ZNF577: variants seen among roughly 807,000 people sequenced by gnomAD.
The protein encoded by ZNF577 is zinc finger protein 577.
Under a neutral mutation model 13.9 loss-of-function variants are expected in ZNF577, and 14 were observed. The observed-to-expected ratio is 1.00, with a 90% CI of 0.66 to 1.57. The LOEUF is 1.57. ZNF577 is among the 40% of genes most tolerant of loss of function. ZNF577 has a pLI of 0.00. For synonymous variants in ZNF577, 203 were observed against 202.9 expected, an observed-to-expected ratio of 1.00 and a Z score of 0.00; for missense variants, 555 against 579.2, an observed-to-expected ratio of 0.96 and a Z score of 0.43.
In ZNF577 at chr19:51,848,555, A is replaced by T. The variant is rs184645503; in HGVS notation, c.284-3624T>A. 2.6e-5 allele frequency among the ~76,000 whole-genome samples: 4 copies of T among 152,288 alleles called. No homozygotes were observed. The East Asian group carries it at 7.7e-4, about 29-fold the overall frequency. ...TCTGGACGAACAGAGGTGGTATGGG[A>T]AGAGCTCTCTGGATGTGTGGTTTGT... On this transcript the variant is annotated intron_variant and NMD_transcript_variant, in intron 5 of 10. Coordinates refer to the ZNF577 transcript ENST00000638827.
intron 3 of ZNF577, among the ~76,000 whole-genome samples, chr19:51,879,806 C>A (rs2084832067): frequency 1.3e-5 from 2 of 152,246 alleles, no homozygotes; most frequent in South Asian, 4.1e-4. Context: ...TTGCTTGAAT[C>A]TCTTGCGTGC....
At chr19:51,860,922 C>T (rs1488617038) in intron 5 of ZNF577, 1 of 417,004 alleles carries the variant, frequency 2.4e-6, no homozygotes, top group African/African-American at 2.1e-5. Flanking sequence ...AGGTGTGATT[C>T]TTCTTAGCTT....
At chr19:51,819,079 T>C (rs543258576) in intron 9 of ZNF577, among the ~76,000 whole-genome samples, 3 of 152,270 alleles carry the variant, frequency 2.0e-5, no homozygotes, top group Admixed American at 6.5e-5. Context: ...TTGGATTGTA[T>C]TGGGTGGTAA....
Position 51,878,378 on chromosome 19 carries a change from G to A in ZNF577, c.187+11C>T. The A allele has an allele frequency of 1.9e-6, 3 of 1,612,862 alleles. No homozygotes were observed. The highest frequency in any genetic ancestry group is 2.2e-5 in the South Asian group (2 of 90,924). Reference sequence around the variant, plus strand: ...GAAAGAAAAGGTAAGTGACGGCAATGCTGTCCTTACCTATTGATACTAGGT... The same window carrying A: ...GAAAGAAAAGGTAAGTGACGGCAATACTGTCCTTACCTATTGATACTAGGT... On this transcript the variant is annotated intron_variant, in intron 4 of 5. Coordinates refer to ENST00000638348, the MANE Select transcript of ZNF577 (RefSeq NM_001370449.1).
At chr19:51,835,986 C>A (rs1028122461) in intron 9 of ZNF577, among the ~76,000 whole-genome samples, 1 of 152,212 alleles carries the variant, frequency 6.6e-6, no homozygotes, top group African/African-American at 2.4e-5. Flanking sequence ...AGCCACCGCA[C>A]CCGACCTTGA....
chr19:51,835,834 A>G (rs1249800456), intron 9 of ZNF577, among the ~76,000 whole-genome samples: 1 of 152,152 alleles, frequency 6.6e-6, no homozygotes, highest in Non-Finnish European at 1.5e-5. Flanking sequence ...CTCGAATCAC[A>G]GATGCCTGCC....
At position 51,880,441 on chromosome 19, in the gene ZNF577, C is replaced by A. The variant is rs544445052; in HGVS notation, c.-19-40G>T. 6.3e-6 allele frequency: 10 copies of A among 1,580,872 alleles called. No individual in the cohort carries two copies. In the South Asian group the frequency reaches 8.9e-5, roughly 14 times the overall value. On this transcript the variant is annotated intron_variant, in intron 2 of 5. Transcript: ENST00000638348. ...GAGACACAGTTTAAAGCAGAGAAAA[C>A]CCACAGGGTCTTAACAGTCACTTAG...
At position 51,867,438 on chromosome 19, in the gene ZNF577, C is replaced by T. The variant is rs1041924005; in HGVS notation, c.*5094G>A. 8.6e-5 allele frequency among the ~76,000 whole-genome samples: 13 copies of T among 152,026 alleles called. No individual in the cohort carries two copies. The highest frequency in any genetic ancestry group is 2.7e-4 in the African/African-American group (11 of 41,470). ...AGAGGCCCAGCTTTTAGAATTGTGA[C>T]AATTACTCAATTTCCCTCCCTTAAT... is the stretch of plus-strand genomic sequence containing the variant. On this transcript the variant is annotated 3_prime_UTR_variant, in exon 6 of 6. Transcript: ENST00000638348.
intron 9 of ZNF577, among the ~76,000 whole-genome samples, chr19:51,814,609 G>A (rs1055019173): frequency 1.5e-4 from 22 of 151,324 alleles, no homozygotes; most frequent in African/African-American, 4.6e-4. Context: ...TTCTCCTGCC[G>A]CAGTCTCCTG....
chr19:51,846,013 G>A (rs563623205), intron 5 of ZNF577, among the ~76,000 whole-genome samples: 1 of 151,918 alleles, frequency 6.6e-6, no homozygotes, highest in Non-Finnish European at 1.5e-5. Flanking sequence ...TTATATGGTG[G>A]TTCTATTTTT....
chr19:51,832,045 T>C (rs1307713070), intron 9 of ZNF577, among the ~76,000 whole-genome samples: 2 of 152,232 alleles, frequency 1.3e-5, no homozygotes, highest in African/African-American at 2.4e-5. Flanking sequence ...GTTCTTTTCA[T>C]AGCACTTGTT....
intron 5 of ZNF577, among the ~76,000 whole-genome samples, chr19:51,851,248 T>C (rs1312944299): frequency 6.6e-6 from 1 of 152,180 alleles, no homozygotes; most frequent in Non-Finnish European, 1.5e-5. Flanking sequence ...CAAAACAAAC[T>C]TGACAAGTAG....
rs780433594 is a variant in ZNF577, at chr19:51,824,221, T to G, written c.*600-12547A>C. ...TGGATTTTCACCATAGTCCTTACCTTACCAAATTTCATCTTCTGGACTACA... is the reference window on the plus strand; with the variant it reads ...TGGATTTTCACCATAGTCCTTACCTGACCAAATTTCATCTTCTGGACTACA... On this transcript the variant is annotated intron_variant and NMD_transcript_variant, in intron 9 of 10. Transcript: ENST00000638827. This position sits in a 1 kb window ranked among gnomAD's most constrained non-coding sequence, Gnocchi z 4.7. 1 of 1,614,156 alleles carries G rather than the reference T, an allele frequency of 6.2e-7. No individual in the cohort carries two copies. The highest frequency in any genetic ancestry group is 1.1e-5 in the South Asian group (1 of 91,084).
chr19:51,822,385 C>G (rs2084196814), intron 9 of ZNF577, among the ~76,000 whole-genome samples: 1 of 152,106 alleles, frequency 6.6e-6, no homozygotes, highest in Non-Finnish European at 1.5e-5. Flanking sequence ...GAGTGAGTAA[C>G]TGAACAAAAT....
In ZNF577 at chr19:51,824,918, TCAA is replaced by T; in HGVS notation, c.*600-13247_*600-13245del. ...TTTCATACCACCACCACCACAATCA[TCAA>T]CATAAAGGAAGTCTGTACCAAATCT... On this transcript the variant is annotated intron_variant and NMD_transcript_variant, in intron 9 of 10. Coordinates refer to the ZNF577 transcript ENST00000638827. The surrounding 1 kb of genome is among the most constrained non-coding windows in gnomAD (Gnocchi z 4.7). 1.1e-6 allele frequency: 1 copy of T among 871,308 alleles called. No individual in the cohort carries two copies. The highest frequency in any genetic ancestry group is 1.8e-6 in the Non-Finnish European group (1 of 567,964). 54.0% of individuals were successfully genotyped at this position (871,308 alleles called of 1,614,324 possible).
chr19:51,863,438 A>G (rs8113216), downstream of ZNF577, among the ~76,000 whole-genome samples: 71,489 of 152,064 alleles, frequency 0.47, 18,023 homozygotes, highest in African/African-American at 0.65. Flanking sequence ...TAATAATACT[A>G]TATCAATGTC....
At position 51,824,251 on chromosome 19, in the gene ZNF577, G is replaced by A. The variant is rs1413238145; in HGVS notation, c.*600-12577C>T. ...AATTTCATCTTCTGGACTACAATAA[G>A]TACTACGAATGGGGACACATACTGT... On this transcript the variant is annotated intron_variant and NMD_transcript_variant, in intron 9 of 10. Transcript: ENST00000638827. The surrounding 1 kb of genome is among the most constrained non-coding windows in gnomAD (Gnocchi z 4.7). 5 of 1,614,160 alleles carry A rather than the reference G, an allele frequency of 3.1e-6. No homozygotes were observed.
At chr19:51,865,854 C>G (rs1296110203), downstream of ZNF577, among the ~76,000 whole-genome samples, 1 of 152,108 alleles carries the variant, frequency 6.6e-6, no homozygotes, top group Non-Finnish European at 1.5e-5. Context: ...CGGTGGCTCA[C>G]ACTTGTAATC....
At chr19:51,857,415 A>AAAGC (rs2084444269) in intron 5 of ZNF577, among the ~76,000 whole-genome samples, 1 of 113,036 alleles carries the variant, frequency 8.8e-6, no homozygotes, top group Non-Finnish European at 1.8e-5. Context: ...AGAAAGAAAG[A>AAAGC]AAGAAAGAAA....
Sources: gnomAD v4.1 joint callset for allele counts (sites outside exome capture counted in the v4.1 genomes callset) on GRCh38, gnomAD v4.1.1 for gene constraint, Gnocchi (gnomAD v3.1) non-coding constraint, MANE v1.5 for transcripts, NCBI Gene and HGNC (gene_info 2026-07-23, HGNC 2026-07-21) for gene names.